PJVK: variants seen among roughly 807,000 people sequenced by gnomAD.
PJVK encodes autosomal recessive deafness type 59 protein.
In PJVK, 33 loss-of-function variants were observed where a neutral mutation model predicts 37.6. That is an observed-to-expected ratio of 0.88 (90% confidence interval 0.67 to 1.17). The LOEUF (loss-of-function observed/expected upper bound fraction) is 1.17, where lower values mean the gene tolerates loss of function less well. Ranked by LOEUF, PJVK falls within the 50% of genes most tolerant of loss-of-function variation. The pLI is 0.00. For synonymous variants in PJVK, 141 were observed against 143.5 expected (o/e 0.98, Z 0.13); for missense variants, 410 against 413.8 (o/e 0.99, Z 0.08).
In PJVK at chr2:178,461,073, T is replaced by C; in HGVS notation, c.858T>C (p.Asp286=). The change falls in exon 7 of 7, where the codon GAT becomes GAC. Residue 286 remains aspartate (D), a synonymous_variant. Transcript: ENST00000644580. ...DYYDKPLSMT[D]ISLKEGTHIR... ...ATGACAAACCTCTCAGCATGACTGA[T>C]ATTTCACTCAAAGAAGGGACCCATA... 3 of 1,614,114 alleles carry C rather than the reference T, an allele frequency of 1.9e-6. No individual in the cohort carries two copies. The Middle Eastern group carries it at 4.9e-4, about 266-fold the overall frequency.
At chr2:178,452,616 CT>C (rs1697758796) in intron 1 of PJVK, 1 of 985,210 alleles carries the variant, frequency 1.0e-6, no homozygotes, top group Admixed American at 6.2e-5. Flanking sequence ...CAGGCCAGAA[CT>C]TTATATAGCT....
intron 5 of PJVK, among the ~76,000 whole-genome samples, chr2:178,459,467 C>T (rs1684351039): frequency 6.6e-6 from 1 of 152,042 alleles, no homozygotes; most frequent in Non-Finnish European, 1.5e-5. Flanking sequence ...TTGATACGGG[C>T]ATACAGTGCA....
Position 178,460,361 on chromosome 2 carries a change from T to C in PJVK, c.681T>C (p.Thr227=). 2 of 1,614,062 alleles carry C rather than the reference T, an allele frequency of 1.2e-6. No homozygotes were observed. Among genetic ancestry groups the C allele is most frequent in the Non-Finnish European group, 1.7e-6 (2 of 1,179,924 alleles). ...YLDGAFDLCV[T]SVSKGGFERE... ...TTTTTTTTGTAGACCTTTGTGTCAC[T>C]TCAGTGTCAAAAGGAGGATTTGAAA... The change falls in exon 6 of 7, where the codon ACT becomes ACC. Residue 227 remains threonine, a synonymous_variant. Transcript: ENST00000644580.
intron 1 of PJVK, chr2:178,452,335 C>T (rs1697734411): frequency 6.1e-6 from 6 of 979,476 alleles, no homozygotes; most frequent in Non-Finnish European, 6.0e-6. Flanking sequence ...GTTTTGTTAG[C>T]ATGTAAGCCC....
At chr2:178,456,386 G>A (rs186456386) in intron 4 of PJVK, 95 of 553,346 alleles carry the variant, frequency 1.7e-4, no homozygotes, top group Admixed American at 8.6e-4. Context: ...GTGAAATTAC[G>A]TGCATACTGG....
rs1278936571 is a variant in PJVK, at chr2:178,454,865, T to TGAGGAAGATGAGGAG, written c.407+351_407+365dup. The stretch of plus-strand genomic sequence containing the variant: ...TTGACTCCCCAGGGAAGCAGAAGAC[T>TGAGGAAGATGAGGAG]GAGGAAGATGAGGAGGAGGAAGATG... On this transcript the variant is annotated intron_variant, in intron 3 of 6. Coordinates refer to ENST00000644580, the MANE Select transcript of PJVK (RefSeq NM_001042702.5). The TGAGGAAGATGAGGAG allele has an allele frequency of 3.0e-6, 3 of 995,794 alleles. No individual in the cohort carries two copies. The East Asian group carries it at 7.1e-5, about 24-fold the overall frequency. The allele number at this position is 995,794 out of a possible 1,614,324, so 61.7% of individuals were successfully genotyped here.
At position 178,456,019 on chromosome 2, in the gene PJVK, C is replaced by T. The variant is rs1189093421; in HGVS notation, c.417C>T (p.Asn139=). ...ATCTTCTTTATTTTAGAAAAATTAA[C>T]TTTGACCACAGCTTGATACGTCAGT... ...LLKEITTRKI[N]FDHSLIRQSR... is the part of the protein sequence containing the mutation. The change falls in exon 4 of 7, where the codon AAC becomes AAT. Residue 139 remains asparagine, a synonymous_variant. Coordinates refer to ENST00000644580, the MANE Select transcript of PJVK (RefSeq NM_001042702.5). 3 of 1,613,906 alleles carry T rather than the reference C, an allele frequency of 1.9e-6. No homozygotes were observed. The highest frequency in any genetic ancestry group is 2.7e-5 in the African/African-American group (2 of 74,906).
At chr2:178,453,678 CAT>C in intron 2 of PJVK, 58 bp downstream of exon 2, 1 of 1,391,410 alleles carries the variant, frequency 7.2e-7, no homozygotes. Context: ...GCAACCTAAA[CAT>C]AGGTCATATA....
intron 2 of PJVK, 79 bp from the exon 3 acceptor site, chr2:178,454,253 T>C (rs1396364591): frequency 2.0e-5 from 26 of 1,270,952 alleles, no homozygotes; most frequent in African/African-American, 1.2e-4. Context: ...GAGTCTTCAA[T>C]TGTTAATTTA....
At chr2:178,455,560 A>G in intron 3 of PJVK, 1 of 612,482 alleles carries the variant, frequency 1.6e-6, no homozygotes, top group Non-Finnish European at 3.0e-6. Flanking sequence ...CACAGGTCCC[A>G]GGGCATCAGG....
chr2:178,456,137 G>A lies in PJVK; in HGVS notation c.535G>A (p.Gly179Arg), dbSNP rs1684063855. ...CSLSVHAGIR[G>R]EAMRFHFMDE... ...ACTGTCTGTGCATGCTGGAATTCGAGGGGAAGCAATGCGGGTAAACCACAC... is the reference window on the plus strand; with the variant it reads ...ACTGTCTGTGCATGCTGGAATTCGAAGGGAAGCAATGCGGGTAAACCACAC... Residue 179 changes from glycine (G) to arginine (R), a missense_variant, in exon 4 of 7, where the codon GGG (glycine) becomes AGG (arginine). Gly to Arg is a moderately radical substitution (Grantham distance 125). Transcript: ENST00000644580. 1 of 1,614,010 alleles carries A rather than the reference G, an allele frequency of 6.2e-7. No homozygotes were observed. Among genetic ancestry groups the A allele is most frequent in the Non-Finnish European group, 8.5e-7 (1 of 1,179,954 alleles).
At chr2:178,457,281 A>G (rs937891988) in intron 4 of PJVK, among the ~76,000 whole-genome samples, 4 of 152,208 alleles carry the variant, frequency 2.6e-5, no homozygotes, top group African/African-American at 7.2e-5. Context: ...AATATTATCA[A>G]TGGCCATACA....
rs1697674396 is a variant in PJVK, at chr2:178,451,724, C to T, written c.-68C>T. 16 of 969,636 alleles carry T rather than the reference C, an allele frequency of 1.7e-5. No homozygotes were observed. The highest frequency in any genetic ancestry group is 2.0e-5 in the Non-Finnish European group (16 of 815,548). 60.1% of individuals were successfully genotyped at this position (969,636 alleles called of 1,614,324 possible). On this transcript the variant is annotated 5_prime_UTR_variant, in exon 1 of 7. Transcript: ENST00000644580. The stretch of plus-strand genomic sequence containing the variant: ...AAACACCCGCTCCTCTCCCGCCGGG[C>T]GGGCTCCTTTGTCTTCTGGGCTTTC...
intron 4 of PJVK, among the ~76,000 whole-genome samples, chr2:178,458,094 C>T (rs1020213046): frequency 4.6e-5 from 7 of 152,002 alleles, no homozygotes; most frequent in African/African-American, 1.7e-4. Flanking sequence ...CAAACTGAAA[C>T]ATTTACTTGA....
At position 178,461,072 on chromosome 2, in the gene PJVK, A is replaced by G. The variant is rs764040177; in HGVS notation, c.857A>G (p.Asp286Gly). The G allele has an allele frequency of 3.7e-5, 60 of 1,614,078 alleles. No individual in the cohort carries two copies. In the South Asian group the frequency reaches 6.3e-4, roughly 17 times the overall value. The change falls in exon 7 of 7, where the codon GAT becomes GGT. Residue 286 changes from aspartate (D) to glycine (G), a missense_variant. Transcript: ENST00000644580. Reference sequence around the variant, plus strand: ...TATGACAAACCTCTCAGCATGACTGATATTTCACTCAAAGAAGGGACCCAT... The same window carrying G: ...TATGACAAACCTCTCAGCATGACTGGTATTTCACTCAAAGAAGGGACCCAT... ...DYYDKPLSMT[D>G]ISLKEGTHIR...
At chr2:178,452,817 T>C (rs1282612539) in intron 1 of PJVK, 1 of 175,354 alleles carries the variant, frequency 5.7e-6, no homozygotes, top group Admixed American at 6.4e-5. Context: ...TTTATATCTG[T>C]GAATTTATAT....
chr2:178,453,220 A>G, intron 1 of PJVK, 168 bp from the exon 2 acceptor site: 2 of 602,654 alleles, frequency 3.3e-6, no homozygotes, highest in Non-Finnish European at 5.9e-6. Flanking sequence ...TTGATCTATA[A>G]TTCATTACCT....
Position 178,461,494 on chromosome 2 carries a change from A to G in PJVK, c.*220A>G, listed in dbSNP as rs1684508593. 3.9e-6 allele frequency: 2 copies of G among 509,822 alleles called. No individual in the cohort carries two copies. Among genetic ancestry groups the G allele is most frequent in the Admixed American group, 3.5e-5 (1 of 28,294 alleles). 31.6% of individuals were successfully genotyped at this position (509,822 alleles called of 1,614,324 possible). A position where few individuals can be genotyped will look rare whatever the true frequency, so the allele number is the denominator to read the frequency against. Reference sequence around the variant, plus strand: ...AAAATTAATAACATTGTTTATATCAAAAAAGATTTACATATAAAATTCAGA... The same window carrying G: ...AAAATTAATAACATTGTTTATATCAGAAAAGATTTACATATAAAATTCAGA... On this transcript the variant is annotated 3_prime_UTR_variant, in exon 7 of 7. Transcript: ENST00000644580.
chr2:178,460,061 T>C (rs1323739022), intron 5 of PJVK: 5 of 367,982 alleles, frequency 1.4e-5, no homozygotes, highest in African/African-American at 2.1e-5. Context: ...ATAAAATATA[T>C]GGAGTATTTC....
Sources: gnomAD v4.1 joint callset for allele counts (sites outside exome capture counted in the v4.1 genomes callset) on GRCh38, gnomAD v4.1.1 for gene constraint, MANE v1.5 for transcripts, NCBI Gene and HGNC (gene_info 2026-07-23, HGNC 2026-07-21) for gene names.